The following GPR157 variants were observed in gnomAD, a reference collection of about 807,000 sequenced individuals.
GPR157 encodes G protein-coupled receptor 157.
Under a neutral mutation model 23.5 loss-of-function variants are expected in GPR157, and 16 were observed. That is an observed-to-expected ratio of 0.68 (90% confidence interval 0.46 to 1.04). The LOEUF is 1.04. GPR157 is among the 50% of genes least tolerant of loss of function. GPR157 has a pLI of 0.00. For missense variants in GPR157, 440 were observed against 460.7 expected (o/e 0.96, Z 0.41); for synonymous variants, 200 against 221.5 (o/e 0.90, Z 0.86).
chr1:9,109,518 G>C (rs1348438589), intron 2 of GPR157, among the ~76,000 whole-genome samples: 3 of 151,916 alleles, frequency 2.0e-5, no homozygotes, highest in Non-Finnish European at 4.4e-5. Flanking sequence ...TCAGTCTCCC[G>C]AGTAGCTGGG....
At chr1:9,113,803 C>T (rs1467447413) in intron 1 of GPR157, among the ~76,000 whole-genome samples, 8 of 150,194 alleles carry the variant, frequency 5.3e-5, no homozygotes, top group East Asian at 2.0e-4. Context: ...AATTGGTGGG[C>T]GTGGTGGTGC....
At position 9,118,338 on chromosome 1, in the gene GPR157, T is replaced by A. The variant is rs571691270; in HGVS notation, c.384-6849A>T. Among the ~76,000 whole-genome samples, 2 of 151,974 alleles carry A rather than the reference T, an allele frequency of 1.3e-5. No homozygotes were observed. Among genetic ancestry groups the A allele is most frequent in the East Asian group, 1.9e-4 (1 of 5,172 alleles). ...GCTGGGTGGGGGTGCAAGGTGGGGATGTGGGTTAGAGCAGGTGACCCATAA... is the reference window on the plus strand; with the variant it reads ...GCTGGGTGGGGGTGCAAGGTGGGGAAGTGGGTTAGAGCAGGTGACCCATAA... On this transcript the variant is annotated intron_variant, in intron 1 of 3. Transcript: ENST00000377411. This position sits in a 1 kb window ranked among gnomAD's most constrained non-coding sequence, Gnocchi z 4.6.
At chr1:9,110,103 T>C (rs892809710) in intron 2 of GPR157, among the ~76,000 whole-genome samples, 4 of 152,196 alleles carry the variant, frequency 2.6e-5, no homozygotes, top group Non-Finnish European at 5.9e-5. Context: ...ACTCCTCACA[T>C]TGAATCTTTG....
intron 2 of GPR157, among the ~76,000 whole-genome samples, chr1:9,110,193 T>C (rs1181844102): frequency 6.6e-6 from 1 of 152,188 alleles, no homozygotes; most frequent in Non-Finnish European, 1.5e-5. Context: ...TCCCATGCTA[T>C]ACAGCACTCT....
Position 9,105,592 on chromosome 1 carries a change from A to C in GPR157, c.686T>G (p.Leu229Arg). ...GAGGCCGATGAAGATGAGCGGGATG[A>C]GCACCAGCTTCTTGTCCGCCATGGA... ...HSSMADKKLV[L>R]IPLIFIGLRV... The change falls in exon 3 of 4, where the codon CTC (leucine) becomes CGC (arginine). Residue 229 changes from leucine to arginine, a missense_variant. Physicochemically the swap from Leu to Arg is moderately radical, Grantham distance 102. Coordinates refer to ENST00000377411, the MANE Select transcript of GPR157 (RefSeq NM_024980.5). The surrounding 1 kb of genome is among the most constrained non-coding windows in gnomAD (Gnocchi z 4.8). 1 of 1,611,566 alleles carries C rather than the reference A, an allele frequency of 6.2e-7. No homozygotes were observed. The highest frequency in any genetic ancestry group is 8.5e-7 in the Non-Finnish European group (1 of 1,179,210).
In GPR157 at chr1:9,104,152, C is replaced by T; in HGVS notation, c.*267G>A. ...GCACTGTGGCCACAGCTGTGGGCCA[C>T]CGGCTTCCCGAATCTCACTGCTACC... On this transcript the variant is annotated 3_prime_UTR_variant, in exon 4 of 4. Transcript: ENST00000377411. The T allele has an allele frequency of 2.2e-6, 1 of 457,192 alleles. No homozygotes were observed. The highest frequency in any genetic ancestry group is 3.8e-5 in the East Asian group (1 of 26,564). The allele number at this position is 457,192 out of a possible 1,614,324, so 28.3% of individuals were successfully genotyped here.
chr1:9,127,623 C>A (rs1638991010), intron 1 of GPR157, among the ~76,000 whole-genome samples: 1 of 152,238 alleles, frequency 6.6e-6, no homozygotes, highest in African/African-American at 2.4e-5. Flanking sequence ...CAAGGACCAG[C>A]CGGCCTCAGT....
rs1638724766 is a variant in GPR157 at position 9,118,159 on chromosome 1, G to A, written c.384-6670C>T. Among the ~76,000 whole-genome samples the A allele has an allele frequency of 6.6e-6, 1 of 152,178 alleles. No individual in the cohort carries two copies. The highest frequency in any genetic ancestry group is 1.5e-5 in the Non-Finnish European group (1 of 68,016). ...GCTGGGCCTTGAGCTATCCTCAAAT[G>A]GTTAAAAAGTCTTGAAGAGGACCTG... On this transcript the variant is annotated intron_variant, in intron 1 of 3. Coordinates refer to ENST00000377411, the MANE Select transcript of GPR157 (RefSeq NM_024980.5). This position sits in a 1 kb window ranked among gnomAD's most constrained non-coding sequence, Gnocchi z 4.6.
intron 1 of GPR157, among the ~76,000 whole-genome samples, chr1:9,112,611 C>G (rs1296582690): frequency 6.6e-6 from 1 of 152,168 alleles, no homozygotes; most frequent in African/African-American, 2.4e-5. Context: ...CACCACCACG[C>G]CCGGCTAATT....
intron 1 of GPR157, among the ~76,000 whole-genome samples, chr1:9,117,652 C>T (rs1215897604): frequency 6.6e-6 from 1 of 152,134 alleles, no homozygotes; most frequent in African/African-American, 2.4e-5. Context: ...ATCCCAGCTA[C>T]TGGGGAGGCT....
rs1490388277 is a variant in GPR157 at position 9,120,843 on chromosome 1, A to G, written c.383+7802T>C. 1.3e-5 allele frequency among the ~76,000 whole-genome samples: 2 copies of G among 152,226 alleles called. No individual in the cohort carries two copies. Among genetic ancestry groups the G allele is most frequent in the Admixed American group, 6.5e-5 (1 of 15,280 alleles). ...GGGACACAGCGCTGCCACCTTCACCAGTCACCTCAGAAAACTTTTATGGGG... is the reference window on the plus strand; with the variant it reads ...GGGACACAGCGCTGCCACCTTCACCGGTCACCTCAGAAAACTTTTATGGGG... On this transcript the variant is annotated intron_variant, in intron 1 of 3. Transcript: ENST00000377411. The surrounding 1 kb of genome is among the most constrained non-coding windows in gnomAD (Gnocchi z 4.1).
At chr1:9,112,845 C>A (rs1415765667) in intron 1 of GPR157, among the ~76,000 whole-genome samples, 2 of 152,208 alleles carry the variant, frequency 1.3e-5, no homozygotes, top group Non-Finnish European at 2.9e-5. Context: ...CTGTTCCTTA[C>A]ATAGCAATGG....
chr1:9,123,249 AATATATATTTAAAT>A (rs1161828514), intron 1 of GPR157, among the ~76,000 whole-genome samples: 3 of 27,652 alleles, frequency 1.1e-4, no homozygotes, highest in Non-Finnish European at 2.1e-4. Context: ...TATTAATTTA[AATATATATTTAAAT>A]ATATATATTT....
At chr1:9,111,159 C>T (rs1417873284) in intron 2 of GPR157, 117 bp downstream of exon 2, 6 of 874,708 alleles carry the variant, frequency 6.9e-6, no homozygotes, top group South Asian at 5.7e-5. Flanking sequence ...TGGCCCATCA[C>T]TGGTTCTGTC....
chr1:9,106,527 G>A (rs994457459), intron 2 of GPR157, among the ~76,000 whole-genome samples: 3 of 152,204 alleles, frequency 2.0e-5, no homozygotes, highest in Non-Finnish European at 4.4e-5. Flanking sequence ...CTGCAGACAC[G>A]CAGCACCCCC....
At chr1:9,115,273 G>A (rs1360735304) in intron 1 of GPR157, among the ~76,000 whole-genome samples, 1 of 152,132 alleles carries the variant, frequency 6.6e-6, no homozygotes, top group Admixed American at 6.6e-5. Flanking sequence ...TCACCTGCAG[G>A]ATGTGAAGCA....
Position 9,120,401 on chromosome 1 carries a change from T to C in GPR157, c.383+8244A>G, listed in dbSNP as rs2124524074. Among the ~76,000 whole-genome samples, 1 of 152,296 alleles carries C rather than the reference T, an allele frequency of 6.6e-6. No individual in the cohort carries two copies. On this transcript the variant is annotated intron_variant, in intron 1 of 3. Coordinates refer to ENST00000377411, the MANE Select transcript of GPR157 (RefSeq NM_024980.5). The surrounding 1 kb of genome is among the most constrained non-coding windows in gnomAD (Gnocchi z 4.1). ...ACCATGAGACCTGGGGATGTTAACATAACTCAGAAAACGCTTTGAGAACCA... is the reference window on the plus strand; with the variant it reads ...ACCATGAGACCTGGGGATGTTAACACAACTCAGAAAACGCTTTGAGAACCA...
rs1360100063 is a variant in GPR157 at position 9,116,217 on chromosome 1, A to ATT, written c.384-4729_384-4728insAA. ...TATAATTATATATATAATTATATATATATTACATATAATATAATTATATAT... is the reference window on the plus strand; with the variant it reads ...TATAATTATATATATAATTATATATATTTATTACATATAATATAATTATATAT... On this transcript the variant is annotated intron_variant, in intron 1 of 3. Transcript: ENST00000377411. Among the ~76,000 whole-genome samples, 24 of 19,936 alleles carry ATT rather than the reference A, an allele frequency of 1.2e-3. 3 individuals carry two copies. Among genetic ancestry groups the ATT allele is most frequent in the African/African-American group, 7.6e-3 (23 of 3,012 alleles). The allele number at this position is 19,936 out of a possible 152,430, so 13.1% of individuals were successfully genotyped here.
chr1:9,116,320 AT>A, intron 1 of GPR157, among the ~76,000 whole-genome samples: 1 of 31,380 alleles, frequency 3.2e-5, no homozygotes, highest in South Asian at 9.1e-4. Flanking sequence ...TATATATAAT[AT>A]ATATAAATTA....
Sources: allele counts gnomAD v4.1 joint callset (sites outside exome capture counted in the v4.1 genomes callset), GRCh38; gene constraint gnomAD v4.1.1; non-coding constraint Gnocchi (gnomAD v3.1); transcripts MANE v1.5; gene names NCBI Gene and HGNC (gene_info 2026-07-23, HGNC 2026-07-21).